The following GRHL2 variants were observed in gnomAD, a reference collection of about 807,000 sequenced individuals.
GRHL2 encodes grainyhead like transcription factor 2, also known as grainyhead-like protein 2 homolog.
GRHL2 carries 21 observed loss-of-function variants against 83.8 expected under a neutral mutation model. The ratio of observed to expected loss-of-function variants is 0.25; its 90% confidence interval spans 0.18 to 0.36. The LOEUF (loss-of-function observed/expected upper bound fraction) is 0.36, where lower values mean the gene tolerates loss of function less well. Among genes scored for constraint, GRHL2 ranks in the 10% least tolerant of loss-of-function variants. The pLI is 1.00. For synonymous variants in GRHL2, 280 were observed against 278.9 expected, an observed-to-expected ratio of 1.00 and a Z score of -0.04; for missense variants, 623 against 781.8, an observed-to-expected ratio of 0.80 and a Z score of 2.42.
chr8:101,583,663 T>G (rs1812103441), intron 7 of GRHL2, among the ~76,000 whole-genome samples: 1 of 152,188 alleles, frequency 6.6e-6, no homozygotes, highest in Non-Finnish European at 1.5e-5. Flanking sequence ...TTAAAAAATA[T>G]TTAAAATGGA....
chr8:101,616,639 G>A (rs568181692), intron 8 of GRHL2, among the ~76,000 whole-genome samples: 31 of 152,214 alleles, frequency 2.0e-4, no homozygotes, highest in Admixed American at 6.5e-4. Context: ...CCATGCCCAG[G>A]GCTCTGTTTT....
intron 7 of GRHL2, among the ~76,000 whole-genome samples, chr8:101,593,494 C>T (rs181108591): frequency 1.1e-4 from 17 of 152,024 alleles, no homozygotes; most frequent in Admixed American, 7.9e-4. Flanking sequence ...TTTTATAATT[C>T]GTTTAAAGCG....
At chr8:101,530,832 T>C (rs1586066701) in intron 1 of GRHL2, among the ~76,000 whole-genome samples, 1 of 152,214 alleles carries the variant, frequency 6.6e-6, no homozygotes, top group East Asian at 1.9e-4. Flanking sequence ...ATATTGGTCT[T>C]TTGTATCCTG....
chr8:101,648,559 T>C (rs901230909), intron 13 of GRHL2, among the ~76,000 whole-genome samples: 8 of 152,224 alleles, frequency 5.3e-5, no homozygotes, highest in Non-Finnish European at 8.8e-5. Flanking sequence ...TTATTATCCA[T>C]GTTTCGCAGA....
At chr8:101,565,451 A>G (rs1164876876) in intron 4 of GRHL2, among the ~76,000 whole-genome samples, 3 of 152,188 alleles carry the variant, frequency 2.0e-5, no homozygotes, top group African/African-American at 7.2e-5. Context: ...ACAATAAAAT[A>G]TTATTTCTTG....
intron 2 of GRHL2, among the ~76,000 whole-genome samples, chr8:101,549,072 A>G (rs1006132118): frequency 6.6e-6 from 1 of 151,826 alleles, no homozygotes; most frequent in East Asian, 1.9e-4. Flanking sequence ...CATATCATGG[A>G]CACAGAAAAT....
intron 4 of GRHL2, among the ~76,000 whole-genome samples, chr8:101,563,101 T>C (rs1007857940): frequency 5.9e-5 from 9 of 152,232 alleles, no homozygotes; most frequent in African/African-American, 2.2e-4. Context: ...TGGTAGGTAC[T>C]ATTATTGTCA....
At chr8:101,511,669 T>C (rs952064810) in intron 1 of GRHL2, among the ~76,000 whole-genome samples, 2 of 152,002 alleles carry the variant, frequency 1.3e-5, no homozygotes, top group African/African-American at 2.4e-5. Context: ...TTTAGTTTTT[T>C]TTTTTTTAAA....
At chr8:101,583,741 A>G (rs150569407) in intron 7 of GRHL2, among the ~76,000 whole-genome samples, 3 of 152,372 alleles carry the variant, frequency 2.0e-5, no homozygotes, top group Non-Finnish European at 4.4e-5. Flanking sequence ...GATAATTCCA[A>G]AACCACGTTC....
intron 1 of GRHL2, among the ~76,000 whole-genome samples, chr8:101,537,307 A>G (rs1370899901): frequency 6.6e-6 from 1 of 152,204 alleles, no homozygotes; most frequent in Non-Finnish European, 1.5e-5. Flanking sequence ...GATGTAGAGA[A>G]ATAAGAAAAA....
At chr8:101,507,994 C>A (rs1033141925) in intron 1 of GRHL2, among the ~76,000 whole-genome samples, 73 of 152,082 alleles carry the variant, frequency 4.8e-4, no homozygotes, top group Non-Finnish European at 7.9e-4. Context: ...CTATGTTGGC[C>A]AGGCTGGTCT....
At chr8:101,607,161 A>G (rs138278261) in intron 8 of GRHL2, among the ~76,000 whole-genome samples, 4 of 152,184 alleles carry the variant, frequency 2.6e-5, no homozygotes, top group African/African-American at 9.6e-5. Context: ...ACCAGTTTTT[A>G]TTGAGCCTCC....
At chr8:101,580,385 T>C (rs752006296) in intron 7 of GRHL2, among the ~76,000 whole-genome samples, 7 of 152,224 alleles carry the variant, frequency 4.6e-5, no homozygotes, top group East Asian at 1.9e-4. Context: ...AGCTCTGCTA[T>C]TGAATGCTGG....
At chr8:101,645,983 C>T (rs1813504391) in intron 13 of GRHL2, among the ~76,000 whole-genome samples, 1 of 152,122 alleles carries the variant, frequency 6.6e-6, no homozygotes, top group South Asian at 2.1e-4. Context: ...AGGCGATCCT[C>T]CCACCTCAGC....
At chr8:101,641,048 T>G (rs1372961552) in intron 12 of GRHL2, among the ~76,000 whole-genome samples, 3 of 152,198 alleles carry the variant, frequency 2.0e-5, no homozygotes, top group Non-Finnish European at 4.4e-5. Context: ...CTCTGGGGCC[T>G]ACTGACCTAG....
At chr8:101,501,844 T>C (rs530890107) in intron 1 of GRHL2, among the ~76,000 whole-genome samples, 2 of 152,244 alleles carry the variant, frequency 1.3e-5, no homozygotes, top group East Asian at 3.9e-4. Flanking sequence ...TAAGTATAAA[T>C]TGAAAATTTG....
chr8:101,652,438 G>GTGTGTGTGGT (rs1563627087), intron 14 of GRHL2, among the ~76,000 whole-genome samples: 1 of 65,352 alleles, frequency 1.5e-5, no homozygotes, highest in Non-Finnish European at 2.6e-5. Flanking sequence ...GTGTGTGTCT[G>GTGTGTGTGGT]GTGTGTGTGG....
chr8:101,570,907 T>C (rs1244628840), intron 5 of GRHL2, among the ~76,000 whole-genome samples: 1 of 152,232 alleles, frequency 6.6e-6, no homozygotes, highest in African/African-American at 2.4e-5. Context: ...CCTTGTCAAC[T>C]TTCTCCTGAG....
intron 1 of GRHL2, among the ~76,000 whole-genome samples, chr8:101,524,850 A>G (rs911341753): frequency 7.2e-5 from 11 of 151,862 alleles, no homozygotes; most frequent in Non-Finnish European, 1.2e-4. Context: ...GGGTTAACCC[A>G]TTTTCATATA....
Sources: gnomAD v4.1 joint callset for allele counts (sites outside exome capture counted in the v4.1 genomes callset) on GRCh38, gnomAD v4.1.1 for gene constraint, MANE v1.5 for transcripts, NCBI Gene and HGNC (gene_info 2026-07-23, HGNC 2026-07-21) for gene names.